Variants in GRM7 observed in about 807,000 individuals in gnomAD.
GRM7 encodes the protein metabotropic glutamate receptor 7.
In GRM7, 35 loss-of-function variants were observed where a neutral mutation model predicts 84.5. That is an observed-to-expected ratio of 0.41 (90% CI 0.32 to 0.55). The LOEUF is 0.55. GRM7 is among the 20% of genes least tolerant of loss of function. The pLI, the probability that GRM7 is intolerant of heterozygous loss-of-function variation, is 0.19. For synonymous variants in GRM7, 487 were observed against 455.1 expected (o/e 1.07, Z -0.89); for missense variants, 1,003 against 1,194.6 (o/e 0.84, Z 2.36).
At chr3:7,237,138 C>G (rs1240562044) in intron 2 of GRM7, among the ~76,000 whole-genome samples, 1 of 152,086 alleles carries the variant, frequency 6.6e-6, no homozygotes, top group Non-Finnish European at 1.5e-5. Flanking sequence ...AGAAGAGGTG[C>G]CTGCCAGCAA....
At chr3:7,525,965 T>C (rs9882278) in intron 7 of GRM7, among the ~76,000 whole-genome samples, 93,344 of 151,982 alleles carry the variant, frequency 0.61, 29,713 homozygotes, top group African/African-American at 0.79. Flanking sequence ...CCACCACCAA[T>C]GGGCATCAGA....
At chr3:7,356,024 G>A (rs185575470) in intron 4 of GRM7, among the ~76,000 whole-genome samples, 20 of 152,202 alleles carry the variant, frequency 1.3e-4, no homozygotes, top group Non-Finnish European at 2.8e-4. Flanking sequence ...GTGAAGGGAA[G>A]TCTTCCCCAT....
At chr3:7,373,802 A>G (rs1477430053) in intron 4 of GRM7, among the ~76,000 whole-genome samples, 2 of 152,134 alleles carry the variant, frequency 1.3e-5, no homozygotes, top group Non-Finnish European at 2.9e-5. Flanking sequence ...CCGTTCTGTG[A>G]TGGTGAATAG....
chr3:7,594,315 T>G (rs1178614124), intron 8 of GRM7, among the ~76,000 whole-genome samples: 1 of 152,104 alleles, frequency 6.6e-6, no homozygotes, highest in Non-Finnish European at 1.5e-5. Context: ...CAGATTGTAT[T>G]TTGCATAGTG....
At chr3:7,122,411 G>A (rs1040896275) in intron 1 of GRM7, among the ~76,000 whole-genome samples, 1 of 151,984 alleles carries the variant, frequency 6.6e-6, no homozygotes, top group African/African-American at 2.4e-5. Flanking sequence ...AAATTTATAG[G>A]TTGTCAAAAA....
intron 8 of GRM7, among the ~76,000 whole-genome samples, chr3:7,585,630 C>T (rs1471020825): frequency 6.6e-6 from 1 of 152,146 alleles, no homozygotes. Context: ...GATTTTGAAT[C>T]TTCCTGCCAC....
intron 2 of GRM7, among the ~76,000 whole-genome samples, chr3:7,290,761 A>G (rs1699592282): frequency 6.6e-6 from 1 of 152,118 alleles, no homozygotes; most frequent in South Asian, 2.1e-4. Context: ...TGCTCTCTAC[A>G]TTCTGGCTGC....
chr3:7,532,866 C>G (rs937387189), intron 7 of GRM7, among the ~76,000 whole-genome samples: 1 of 132,116 alleles, frequency 7.6e-6, no homozygotes, highest in African/African-American at 3.0e-5. Context: ...GACTTTAAAC[C>G]AACAAAGATA....
intron 5 of GRM7, among the ~76,000 whole-genome samples, chr3:7,438,537 G>A (rs61299904): frequency 0.074 from 11,258 of 152,038 alleles, 602 homozygotes; most frequent in Admixed American, 0.13. Context: ...GGACAGTGCA[G>A]TACCTCTGGG....
chr3:7,655,479 C>T (rs1212643680), intron 8 of GRM7, among the ~76,000 whole-genome samples: 5 of 152,198 alleles, frequency 3.3e-5, no homozygotes, highest in Non-Finnish European at 7.3e-5. Context: ...TGCAAAGCCC[C>T]TTTTCCCAAT....
At chr3:7,150,089 G>A (rs1302932546) in intron 2 of GRM7, among the ~76,000 whole-genome samples, 1 of 151,606 alleles carries the variant, frequency 6.6e-6, no homozygotes, top group Non-Finnish European at 1.5e-5. Context: ...GTGTGTGTGA[G>A]AGAGAGAGAG....
At chr3:7,684,153 G>T (rs1291268288) in intron 9 of GRM7, among the ~76,000 whole-genome samples, 2 of 152,126 alleles carry the variant, frequency 1.3e-5, no homozygotes, top group Non-Finnish European at 2.9e-5. Context: ...GCTATACTAG[G>T]TAACATTATA....
chr3:7,563,352 A>G (rs1364588946), intron 7 of GRM7, among the ~76,000 whole-genome samples: 5 of 152,170 alleles, frequency 3.3e-5, no homozygotes, highest in Non-Finnish European at 7.4e-5. Flanking sequence ...TCCTAATCCT[A>G]AAAGTTCTTT....
At chr3:7,208,597 C>A (rs575632779) in intron 2 of GRM7, among the ~76,000 whole-genome samples, 1 of 152,284 alleles carries the variant, frequency 6.6e-6, no homozygotes, top group Non-Finnish European at 1.5e-5. Context: ...ATATACCCAG[C>A]ACCAAGTATA....
intron 8 of GRM7, among the ~76,000 whole-genome samples, chr3:7,588,738 C>G (rs1695636702): frequency 6.6e-6 from 1 of 152,204 alleles, no homozygotes. Flanking sequence ...AACTCACACT[C>G]AGTAAGTCAT....
At chr3:7,716,479 C>G (rs1037547995) in intron 9 of GRM7, among the ~76,000 whole-genome samples, 1 of 152,188 alleles carries the variant, frequency 6.6e-6, no homozygotes, top group Non-Finnish European at 1.5e-5. Context: ...TACTTGTCAA[C>G]ATTTCAAAGC....
At chr3:6,984,212 T>C (rs955221128) in intron 1 of GRM7, among the ~76,000 whole-genome samples, 1 of 152,208 alleles carries the variant, frequency 6.6e-6, no homozygotes, top group Non-Finnish European at 1.5e-5. Context: ...CGTAGAAACT[T>C]GTTATTAAGA....
chr3:6,921,979 G>A (rs1480820683), intron 1 of GRM7, among the ~76,000 whole-genome samples: 2 of 152,174 alleles, frequency 1.3e-5, no homozygotes, highest in East Asian at 1.9e-4. Context: ...TAGACGTCAT[G>A]GTTGTTGGTC....
At chr3:6,956,695 C>T (rs558533610) in intron 1 of GRM7, 19 of 451,636 alleles carry the variant, frequency 4.2e-5, no homozygotes, top group South Asian at 1.7e-4. Flanking sequence ...CAACTCCAAA[C>T]GCCTGAAAAA....
Sources: gnomAD v4.1 joint callset for allele counts (sites outside exome capture counted in the v4.1 genomes callset) on GRCh38, gnomAD v4.1.1 for gene constraint, MANE v1.5 for transcripts, NCBI Gene and HGNC (gene_info 2026-07-23, HGNC 2026-07-21) for gene names.